LRP6: variants seen among roughly 807,000 people sequenced by gnomAD.
LRP6 encodes the protein low-density lipoprotein receptor-related protein 6.
A neutral mutation model predicts 184.1 loss-of-function variants in LRP6; 43 were observed. That is an observed-to-expected ratio of 0.23 (90% CI 0.18 to 0.30). The LOEUF (loss-of-function observed/expected upper bound fraction) is 0.30. LRP6 is among the 10% of genes least tolerant of loss of function. LRP6 has a pLI of 1.00. For missense variants in LRP6, 1,571 were observed against 2,005.3 expected, an observed-to-expected ratio of 0.78 and a Z score of 4.14; for synonymous variants, 719 against 684.9, an observed-to-expected ratio of 1.05 and a Z score of -0.78.
At chr12:12,176,872 A>T (rs1863198463) in intron 7 of LRP6, among the ~76,000 whole-genome samples, 1 of 121,186 alleles carries the variant, frequency 8.3e-6, no homozygotes, top group Non-Finnish European at 1.7e-5. Flanking sequence ...TTTTAGACAG[A>T]GTCTTGTTCT....
chr12:12,176,178 C>T (rs1290552688), intron 7 of LRP6, among the ~76,000 whole-genome samples: 1 of 152,084 alleles, frequency 6.6e-6, no homozygotes, highest in Non-Finnish European at 1.5e-5. Context: ...TATGGGAAGG[C>T]CCCACAACAA....
At position 12,130,811 on chromosome 12, in the gene LRP6, G is replaced by A. The variant is rs752119584; in HGVS notation, c.4053C>T (p.Cys1351=). The A allele has an allele frequency of 3.7e-6, 6 of 1,612,086 alleles. No individual in the cohort carries two copies. The highest frequency in any genetic ancestry group is 5.1e-6 in the Non-Finnish European group (6 of 1,178,360). ...AATCCAGTTCATCTGACTTGTCACTGCAATCCACATTATGATCACACTTCT... is the reference window on the plus strand; with the variant it reads ...AATCCAGTTCATCTGACTTGTCACTACAATCCACATTATGATCACACTTCT... The part of the protein sequence containing the change: ...KHKKCDHNVD[C]SDKSDELDCY... Residue 1351 remains cysteine, a synonymous_variant, in exon 19 of 23, where the codon TGC becomes TGT. Transcript: ENST00000261349.
At chr12:12,168,001 TTTA>T (rs929228705) in intron 7 of LRP6, among the ~76,000 whole-genome samples, 11 of 152,238 alleles carry the variant, frequency 7.2e-5, no homozygotes, top group Admixed American at 5.2e-4. Context: ...TACTCCCATT[TTTA>T]TTGTTTACTT....
intron 2 of LRP6, among the ~76,000 whole-genome samples, chr12:12,228,643 C>G (rs1864694461): frequency 6.6e-6 from 1 of 152,164 alleles, no homozygotes; most frequent in Non-Finnish European, 1.5e-5. Flanking sequence ...ACATCAGTGG[C>G]AGCATTAGTC....
intron 2 of LRP6, among the ~76,000 whole-genome samples, chr12:12,206,121 T>A (rs1163846776): frequency 6.6e-6 from 1 of 152,228 alleles, no homozygotes; most frequent in Non-Finnish European, 1.5e-5. Flanking sequence ...TAGCAGGCTG[T>A]ACCATCTAGG....
In LRP6 at chr12:12,162,435, A is replaced by G. The variant is rs781249369; in HGVS notation, c.2053-16T>C. ...TGCTGATGGTCTGCAAAAGAACATT[A>G]ACAACTAAGTCATATGGCATAAGTC... On this transcript the variant is annotated splice_polypyrimidine_tract_variant and intron_variant, in intron 9 of 22. Transcript: ENST00000261349. 1.9e-6 allele frequency: 3 copies of G among 1,594,134 alleles called. No individual in the cohort carries two copies. Among genetic ancestry groups the G allele is most frequent in the Non-Finnish European group, 2.6e-6 (3 of 1,161,730 alleles).
chr12:12,211,371 G>A (rs1291776753), intron 2 of LRP6, among the ~76,000 whole-genome samples: 3 of 152,210 alleles, frequency 2.0e-5, no homozygotes, highest in African/African-American at 7.2e-5. Flanking sequence ...GAACCTGGGA[G>A]GTGGAGGTTG....
At chr12:12,148,207 TAG>T (rs1447703319) in intron 14 of LRP6, among the ~76,000 whole-genome samples, 1 of 151,896 alleles carries the variant, frequency 6.6e-6, no homozygotes, top group Non-Finnish European at 1.5e-5. Flanking sequence ...AGAATAGTGT[TAG>T]ACATAGGCAC....
At chr12:12,166,116 G>T (rs1862872084) in intron 7 of LRP6, among the ~76,000 whole-genome samples, 2 of 151,886 alleles carry the variant, frequency 1.3e-5, no homozygotes, top group Admixed American at 6.6e-5. Flanking sequence ...CTTTTTTGGG[G>T]GGGTAGGAGC....
intron 1 of LRP6, chr12:12,249,499 T>C (rs1441648322): frequency 6.5e-6 from 4 of 617,142 alleles, no homozygotes; most frequent in Non-Finnish European, 1.1e-5. Context: ...GCCCTTCCTC[T>C]TCCCCCTCAT....
intron 7 of LRP6, among the ~76,000 whole-genome samples, chr12:12,177,914 G>T (rs959342272): frequency 1.3e-5 from 2 of 151,868 alleles, no homozygotes; most frequent in African/African-American, 4.8e-5. Context: ...ACGAATGAAC[G>T]AATGAATGAA....
At position 12,199,131 on chromosome 12, in the gene LRP6, T is replaced by TA. The variant is rs948381266; in HGVS notation, c.647+4071dup. 2.1e-4 allele frequency among the ~76,000 whole-genome samples: 30 copies of TA among 146,212 alleles called. 1 individual carries two copies. The highest frequency in any genetic ancestry group is 4.6e-4 in the African/African-American group (18 of 39,472). On this transcript the variant is annotated intron_variant, in intron 3 of 22. Transcript: ENST00000261349. ...AAGAATGGGCTATTTAAGCACCATTTAAAAAAAAAAAAGGAGCACAAATGG... is the reference window on the plus strand; with the variant it reads ...AAGAATGGGCTATTTAAGCACCATTTAAAAAAAAAAAAAGGAGCACAAATGG...
intron 2 of LRP6, among the ~76,000 whole-genome samples, chr12:12,204,390 G>A (rs760318968): frequency 2.0e-5 from 3 of 151,868 alleles, no homozygotes; most frequent in Non-Finnish European, 2.9e-5. Context: ...GATGAAGTAG[G>A]AAGAAAAAAA....
At chr12:12,195,871 G>T (rs571769428) in intron 3 of LRP6, among the ~76,000 whole-genome samples, 7 of 152,092 alleles carry the variant, frequency 4.6e-5, no homozygotes, top group African/African-American at 1.7e-4. Context: ...TTTGTATAAG[G>T]TGAGAGGTGG....
At chr12:12,154,375 A>G (rs1950122891) in intron 12 of LRP6, among the ~76,000 whole-genome samples, 1 of 152,170 alleles carries the variant, frequency 6.6e-6, no homozygotes, top group Non-Finnish European at 1.5e-5. Flanking sequence ...CCCTGTCACC[A>G]TCACCCTTTC....
chr12:12,231,290 G>C (rs547029576), intron 2 of LRP6, among the ~76,000 whole-genome samples: 8 of 145,020 alleles, frequency 5.5e-5, no homozygotes, highest in African/African-American at 1.5e-4. Context: ...CCAATGACAA[G>C]CCAGAGAAGA....
chr12:12,157,833 G>A (rs1392824118), intron 12 of LRP6, among the ~76,000 whole-genome samples: 1 of 151,672 alleles, frequency 6.6e-6, no homozygotes, highest in Non-Finnish European at 1.5e-5. Flanking sequence ...ATTTGTTCTT[G>A]TCTATCCACC....
chr12:12,142,029 A>G (rs193199667), intron 15 of LRP6, among the ~76,000 whole-genome samples: 1 of 152,320 alleles, frequency 6.6e-6, no homozygotes, highest in African/African-American at 2.4e-5. Flanking sequence ...AAAGGAAGTC[A>G]ATGTTTAACG....
At chr12:12,171,368 A>C (rs912377724) in intron 7 of LRP6, among the ~76,000 whole-genome samples, 7 of 151,936 alleles carry the variant, frequency 4.6e-5, no homozygotes, top group Admixed American at 1.3e-4. Context: ...CACACACACA[A>C]AAAACTAGCC....
Sources: allele counts gnomAD v4.1 joint callset (sites outside exome capture counted in the v4.1 genomes callset), GRCh38; gene constraint gnomAD v4.1.1; transcripts MANE v1.5; gene names NCBI Gene and HGNC (gene_info 2026-07-23, HGNC 2026-07-21).